Variants in RPP30 observed in about 807,000 individuals in gnomAD.
RPP30 encodes ribonuclease P protein subunit p30.
In RPP30, 36 loss-of-function variants were observed where a neutral mutation model predicts 38.6. That is an observed-to-expected ratio of 0.93 (90% CI 0.71 to 1.23). The LOEUF is 1.23. Among genes scored for constraint, RPP30 ranks in the 50% most tolerant of loss-of-function variants. The pLI, the probability that RPP30 is intolerant of heterozygous loss-of-function variation, is 0.00. For missense variants in RPP30, 321 were observed against 321.7 expected, an observed-to-expected ratio of 1.00 and a Z score of 0.02; for synonymous variants, 126 against 112.7, an observed-to-expected ratio of 1.12 and a Z score of -0.75.
intron 1 of RPP30, 167 bp downstream of exon 1, chr10:90,872,235 G>T: frequency 1.6e-6 from 1 of 633,350 alleles, no homozygotes; most frequent in East Asian, 2.8e-5. Context: ...CCTAGCGCGG[G>T]AAACTCGAAG....
At chr10:90,876,001 G>T in intron 3 of RPP30, 23 bp from the exon 4 acceptor site, 2 of 1,298,204 alleles carry the variant, frequency 1.5e-6, no homozygotes, top group South Asian at 2.4e-5. Context: ...GTGCTTTTTT[G>T]ACATCATGTC....
intron 6 of RPP30, 135 bp from the exon 7 acceptor site, chr10:90,894,640 T>A: frequency 2.9e-6 from 2 of 697,402 alleles, no homozygotes; most frequent in Non-Finnish European, 5.2e-6. Flanking sequence ...TGTTGATCTG[T>A]CTTTCATAAA....
rs1847121952 is a variant in RPP30, at chr10:90,894,849, A to G, written c.507A>G (p.Thr169=). 1 of 1,613,224 alleles carries G rather than the reference A, an allele frequency of 6.2e-7. No homozygotes were observed. The highest frequency in any genetic ancestry group is 1.3e-5 in the African/African-American group (1 of 74,878). ...AAGACTCCACAATGAGAAGGTATAC[A>G]ATTTCCAGTGCCCTCAATTTGATGC... The part of the protein sequence containing the change: ...AIKDSTMRRY[T]ISSALNLMQI... Residue 169 remains threonine (T), a synonymous_variant, in exon 7 of 11, where the codon ACA becomes ACG. Transcript: ENST00000371703.
chr10:90,902,299 C>T (rs887347863), downstream of RPP30: 8 of 413,368 alleles, frequency 1.9e-5, no homozygotes, highest in South Asian at 1.2e-4. Context: ...CTCACTGCAA[C>T]CTTTGCCTCT....
chr10:90,877,566 A>G (rs1237051915), intron 4 of RPP30, among the ~76,000 whole-genome samples: 1 of 152,036 alleles, frequency 6.6e-6, no homozygotes, highest in Non-Finnish European at 1.5e-5. Context: ...AAAACAGAAA[A>G]GGAGGAATGA....
At position 90,876,080 on chromosome 10, in the gene RPP30, A is replaced by G. The variant is rs1333782275; in HGVS notation, c.252A>G (p.Pro84=). The G allele has an allele frequency of 6.4e-7, 1 of 1,574,272 alleles. No homozygotes were observed. The highest frequency in any genetic ancestry group is 8.7e-7 in the Non-Finnish European group (1 of 1,144,256). The change falls in exon 4 of 11, where the codon CCA becomes CCG. Residue 84 remains proline (P), a synonymous_variant. Coordinates refer to ENST00000371703, the MANE Select transcript of RPP30 (RefSeq NM_006413.5). ...LTRLTIIVSD[P]SHCNVLRATS... ...GATTAACAATTATTGTCTCGGATCC[A>G]TCTCACTGCAATGTTTTGGTAAGTT...
chr10:90,904,590 A>T (rs1410017631), downstream of RPP30, among the ~76,000 whole-genome samples: 1 of 152,170 alleles, frequency 6.6e-6, no homozygotes, highest in Non-Finnish European at 1.5e-5. Flanking sequence ...AGGAGGGCGG[A>T]TAACTTGAGG....
chr10:90,903,692 T>G (rs1289109168), downstream of RPP30, among the ~76,000 whole-genome samples: 1 of 152,224 alleles, frequency 6.6e-6, no homozygotes, highest in African/African-American at 2.4e-5. Context: ...ACTAATTTAA[T>G]TGCTACAAGA....
chr10:90,897,211 T>A (rs77609488), intron 10 of RPP30, among the ~76,000 whole-genome samples: 2,780 of 152,362 alleles, frequency 0.018, 97 homozygotes, highest in African/African-American at 0.063. Context: ...CTGTTTTGTC[T>A]TCGTTATCTT....
At chr10:90,888,401 G>A (rs778749525) in intron 6 of RPP30, among the ~76,000 whole-genome samples, 2 of 152,160 alleles carry the variant, frequency 1.3e-5, no homozygotes, top group Non-Finnish European at 2.9e-5. Flanking sequence ...TTTAATTGGG[G>A]TTCTTAGGAA....
intron 5 of RPP30, among the ~76,000 whole-genome samples, chr10:90,883,545 A>C (rs1333704039): frequency 6.6e-6 from 1 of 151,788 alleles, no homozygotes; most frequent in Non-Finnish European, 1.5e-5. Flanking sequence ...GGGCATTCTA[A>C]GGTTGAAGTG....
intron 6 of RPP30, among the ~76,000 whole-genome samples, chr10:90,894,049 G>A (rs1173919538): frequency 1.3e-5 from 2 of 152,170 alleles, no homozygotes; most frequent in Non-Finnish European, 2.9e-5. Flanking sequence ...CTTGTATGGT[G>A]AGCTGGGCAA....
chr10:90,885,988 A>C, intron 6 of RPP30, 87 bp downstream of exon 6: 1 of 874,882 alleles, frequency 1.1e-6, no homozygotes, highest in Non-Finnish European at 1.7e-6. Flanking sequence ...GTGTTCTTAG[A>C]AGGAAAAACA....
intron 7 of RPP30, 136 bp from the exon 8 acceptor site, chr10:90,895,318 A>G: frequency 1.8e-6 from 1 of 559,822 alleles, no homozygotes; most frequent in East Asian, 3.5e-5. Flanking sequence ...TTTTCACCTT[A>G]ATTATTTACC....
chr10:90,905,050 G>A (rs1023883060), downstream of RPP30, among the ~76,000 whole-genome samples: 3 of 152,104 alleles, frequency 2.0e-5, no homozygotes, highest in African/African-American at 2.4e-5. Flanking sequence ...TAGACCTGCC[G>A]AGCATGGTCA....
Position 90,889,522 on chromosome 10 carries a change from A to C in RPP30, c.432+3621A>C, listed in dbSNP as rs562506524. Among the ~76,000 whole-genome samples, 9 of 151,924 alleles carry C rather than the reference A, an allele frequency of 5.9e-5. No homozygotes were observed. In the East Asian group the frequency reaches 7.7e-4, roughly 13 times the overall value. ...GAGTTGGGGTTTCATCATGTTGGCC[A>C]GGCTGGTTTTGAACTCCTGACCTCA... On this transcript the variant is annotated intron_variant, in intron 6 of 10. Transcript: ENST00000371703.
intron 7 of RPP30, 54 bp downstream of exon 7, chr10:90,894,945 A>G: frequency 8.6e-7 from 1 of 1,159,436 alleles, no homozygotes; most frequent in South Asian, 1.2e-5. Context: ...TATTATTAGT[A>G]GTACACTGGA....
chr10:90,896,916 AT>A (rs886455959), intron 10 of RPP30, among the ~76,000 whole-genome samples: 11 of 150,376 alleles, frequency 7.3e-5, no homozygotes, highest in Non-Finnish European at 1.3e-4. Context: ...TACCTTTTTT[AT>A]TTTTTTTTCT....
Position 90,885,116 on chromosome 10 carries a change from A to C in RPP30, c.343-696A>C, listed in dbSNP as rs77704483. Among the ~76,000 whole-genome samples, 6 of 152,246 alleles carry C rather than the reference A, an allele frequency of 3.9e-5. No homozygotes were observed. The East Asian group carries it at 1.2e-3, about 29-fold the overall frequency. On this transcript the variant is annotated intron_variant, in intron 5 of 10. Transcript: ENST00000371703. ...TTATTTTATCTTGTATGTGGTTTTC[A>C]TAAACAGTTTCAAATCTCTTTGAGA...
Sources: allele counts gnomAD v4.1 joint callset (sites outside exome capture counted in the v4.1 genomes callset), GRCh38; gene constraint gnomAD v4.1.1; transcripts MANE v1.5; gene names NCBI Gene and HGNC (gene_info 2026-07-23, HGNC 2026-07-21).